The following PLXNB2 variants were observed in gnomAD, a reference collection of about 807,000 sequenced individuals.
The protein encoded by PLXNB2 is plexin-B2.
In PLXNB2, 85 loss-of-function variants were observed where a neutral mutation model predicts 202.6. That is an observed-to-expected ratio of 0.42 (90% CI 0.35 to 0.50). The LOEUF is 0.50. Ranked by LOEUF, PLXNB2 falls within the 20% of genes least tolerant of loss-of-function variation. The pLI is 0.02. For synonymous variants in PLXNB2, 1,239 were observed against 1,137.6 expected (o/e 1.09, Z -1.79); for missense variants, 2,063 against 2,586.2 (o/e 0.80, Z 4.39).
At chr22:50,280,714 G>GC in intron 24 of PLXNB2, 30 bp downstream of exon 24, 3 of 1,528,912 alleles carry the variant, frequency 2.0e-6, no homozygotes, top group Non-Finnish European at 2.7e-6. Flanking sequence ...CCACCTGTGT[G>GC]CCCTCCCGCC....
Position 50,289,180 on chromosome 22 carries a change from T to G in PLXNB2, c.1069-38A>C. 1 of 1,499,912 alleles carries G rather than the reference T, an allele frequency of 6.7e-7. No individual in the cohort carries two copies. The highest frequency in any genetic ancestry group is 8.9e-7 in the Non-Finnish European group (1 of 1,122,526). 92.9% of individuals were successfully genotyped at this position (1,499,912 alleles called of 1,614,324 possible). A position where few individuals can be genotyped will look rare whatever the true frequency, so the allele number is the denominator to read the frequency against. On this transcript the variant is annotated intron_variant, in intron 3 of 36. Coordinates refer to ENST00000359337, the MANE Select transcript of PLXNB2 (RefSeq NM_012401.4). This position sits in a 1 kb window ranked among gnomAD's most constrained non-coding sequence, Gnocchi z 8.0. ...GCGTGTCAATGGCAGGCAGACCCCC[T>G]GTCCTGAAGGGCCCTCTCCACTCGC...
intron 16 of PLXNB2, 58 bp from the exon 17 acceptor site, chr22:50,283,244 G>C: frequency 1.2e-6 from 2 of 1,604,256 alleles, no homozygotes; most frequent in East Asian, 2.2e-5. Flanking sequence ...CCTCGGTCCT[G>C]GGCTGGATGG....
At chr22:50,296,573 A>G (rs2067287342) in intron 1 of PLXNB2, among the ~76,000 whole-genome samples, 1 of 144,608 alleles carries the variant, frequency 6.9e-6, no homozygotes, top group African/African-American at 2.7e-5. Context: ...GCCTGGGGAA[A>G]GAGCAAGACT....
At chr22:50,301,266 C>A in intron 1 of PLXNB2, 6 of 403,100 alleles carry the variant, frequency 1.5e-5, no homozygotes, top group Non-Finnish European at 2.0e-5. Context: ...CCCATCCTGT[C>A]CAACCTGGGC....
chr22:50,305,943 C>T (rs1398885464), intron 1 of PLXNB2, among the ~76,000 whole-genome samples: 3 of 152,158 alleles, frequency 2.0e-5, no homozygotes, highest in Non-Finnish European at 2.9e-5. Context: ...CCAAAGGTGA[C>T]GCATCTTCTC....
chr22:50,276,112 A>G (rs6010225), intron 35 of PLXNB2, 149 bp from the exon 36 acceptor site: 334,402 of 670,434 alleles, frequency 0.5, 85,521 homozygotes, highest in African/African-American at 0.67. Flanking sequence ...CCCATGTGGC[A>G]CAGCCTCAGA....
rs117439977 is a variant in PLXNB2, at chr22:50,288,244, G to A, written c.1381-207C>T. ...CGATGGGAGCCCAGGGAAGCCTGGA[G>A]GTCTTGGCTATGGTGTCTCCCGGGG... On this transcript the variant is annotated intron_variant, in intron 5 of 36. Transcript: ENST00000359337. This position sits in a 1 kb window ranked among gnomAD's most constrained non-coding sequence, Gnocchi z 5.0. Among the ~76,000 whole-genome samples, 8,106 of 152,214 alleles carry A rather than the reference G, an allele frequency of 0.053. 309 individuals are homozygous for A. The highest frequency in any genetic ancestry group is 0.076 in the Non-Finnish European group (5,192 of 67,978).
chr22:50,287,230 C>T lies in PLXNB2; in HGVS notation c.1643G>A (p.Ser548Asn). 6.5e-7 allele frequency: 1 copy of T among 1,549,506 alleles called. No individual in the cohort carries two copies. Among genetic ancestry groups the T allele is most frequent in the South Asian group, 1.2e-5 (1 of 83,642 alleles). ...QLTVSPLPAL[S>N]EEDELLCLFG... ...AAGGCACAGCAACTCGTCCTCCTCG[C>T]TCAGGGCAGGGAGGGGGCTGACGGT... Residue 548 changes from serine to asparagine, a missense_variant, in exon 8 of 37, where the codon AGC (serine) becomes AAC (asparagine). By Grantham distance (46) the Ser-to-Asn change is conservative. Coordinates refer to ENST00000359337, the MANE Select transcript of PLXNB2 (RefSeq NM_012401.4).
At position 50,287,285 on chromosome 22, in the gene PLXNB2, C is replaced by T. The variant is rs1198249934; in HGVS notation, c.1609-21G>A. On this transcript the variant is annotated intron_variant, in intron 7 of 36. Transcript: ENST00000359337. ...TGCACCTGAGGGAGGGGCCGTGCCG[C>T]TCACACTGGGAACCCCGAGTCCTGT... 5 of 1,466,906 alleles carry T rather than the reference C, an allele frequency of 3.4e-6. No individual in the cohort carries two copies. In the South Asian group the frequency reaches 7.0e-5, roughly 20 times the overall value. 90.9% of individuals were successfully genotyped at this position (1,466,906 alleles called of 1,614,324 possible).
At chr22:50,302,211 T>G (rs1440988636) in intron 1 of PLXNB2, among the ~76,000 whole-genome samples, 13 of 152,156 alleles carry the variant, frequency 8.5e-5, no homozygotes. Context: ...GGGCAGGACC[T>G]GGGTCCAGGC....
intron 10 of PLXNB2, 43 bp from the exon 11 acceptor site, chr22:50,285,944 A>G (rs2066423374): frequency 6.2e-7 from 1 of 1,601,984 alleles, no homozygotes. Context: ...GGCACAGCGG[A>G]GCAGCCATGC....
rs760487839 is a variant in PLXNB2 at position 50,286,116 on chromosome 22, C to T, written c.1878-18G>A. 3.7e-6 allele frequency: 6 copies of T among 1,611,656 alleles called. No homozygotes were observed. In the African/African-American group the frequency reaches 4.0e-5, roughly 11 times the overall value. On this transcript the variant is annotated intron_variant, in intron 9 of 36. Coordinates refer to ENST00000359337, the MANE Select transcript of PLXNB2 (RefSeq NM_012401.4). ...AGATGCACCTGCATCCAGAGGGGATCGTGAGCAGGGCTGGGGTGGACGGGC... is the reference window on the plus strand; with the variant it reads ...AGATGCACCTGCATCCAGAGGGGATTGTGAGCAGGGCTGGGGTGGACGGGC...
chr22:50,289,662 C>T lies in PLXNB2; in HGVS notation c.923G>A (p.Gly308Asp). 2 of 1,609,754 alleles carry T rather than the reference C, an allele frequency of 1.2e-6. No individual in the cohort carries two copies. Among genetic ancestry groups the T allele is most frequent in the East Asian group, 2.2e-5 (1 of 44,880 alleles). Reference sequence around the variant, plus strand: ...CAGCGGGAACAGGCAGAGGCCCGCACCGGGCCCCCCACTGCTCCGGCTGTC... The same window carrying T: ...CAGCGGGAACAGGCAGAGGCCCGCATCGGGCCCCCCACTGCTCCGGCTGTC... ...SRDSRSSGGP[G>D]AGLCLFPLDK... The change falls in exon 3 of 37, where the codon GGT becomes GAT. Residue 308 changes from glycine to aspartate, a missense_variant. This residue lies in a region of PLXNB2 where 1,303 missense variants were observed against 1,476.8 expected (regional missense o/e 0.88). Transcript: ENST00000359337. This position sits in a 1 kb window ranked among gnomAD's most constrained non-coding sequence, Gnocchi z 8.0.
chr22:50,279,545 T>C (rs1270132039), intron 27 of PLXNB2, 85 bp downstream of exon 27: 4 of 1,337,918 alleles, frequency 3.0e-6, no homozygotes, highest in East Asian at 4.6e-5. Context: ...CTCTGGCCTG[T>C]GGGTCCCATC....
At chr22:50,278,727 C>T (rs1413997135) in intron 28 of PLXNB2, 31 bp from the exon 29 acceptor site, 1 of 1,594,524 alleles carries the variant, frequency 6.3e-7, no homozygotes, top group East Asian at 2.3e-5. Context: ...GCTTGGGCCC[C>T]AGCCACCCAG....
At chr22:50,285,422 C>T (rs1208277578) in intron 11 of PLXNB2, among the ~76,000 whole-genome samples, 1 of 84,888 alleles carries the variant, frequency 1.2e-5, no homozygotes. Context: ...GGCACCCCCT[C>T]CCTCCGCACC....
chr22:50,275,263 C>A lies in PLXNB2; in HGVS notation c.*441G>T, dbSNP rs1470605681. 1 of 388,920 alleles carries A rather than the reference C, an allele frequency of 2.6e-6. No individual in the cohort carries two copies. The highest frequency in any genetic ancestry group is 7.5e-5 in the East Asian group (1 of 13,382). 24.1% of individuals were successfully genotyped at this position (388,920 alleles called of 1,614,324 possible). A position where few individuals can be genotyped will look rare whatever the true frequency, so the allele number is the denominator to read the frequency against. On this transcript the variant is annotated 3_prime_UTR_variant, in exon 37 of 37. Transcript: ENST00000359337. ...GCATCGTACCGCTTTTTCTCCTCCT[C>A]CCATCTCGTGGTGGACAGACAGACA... is the stretch of plus-strand genomic sequence containing the variant.
chr22:50,275,247 C>A lies in PLXNB2; in HGVS notation c.*457G>T. 3 of 374,072 alleles carry A rather than the reference C, an allele frequency of 8.0e-6. No individual in the cohort carries two copies. Among genetic ancestry groups the A allele is most frequent in the South Asian group, 5.6e-5 (3 of 53,320 alleles). 23.2% of individuals were successfully genotyped at this position (374,072 alleles called of 1,614,324 possible). ...CGGTGAGGTCAGGAAGGCATCGTAC[C>A]GCTTTTTCTCCTCCTCCCATCTCGT... On this transcript the variant is annotated 3_prime_UTR_variant, in exon 37 of 37. Coordinates refer to ENST00000359337, the MANE Select transcript of PLXNB2 (RefSeq NM_012401.4).
chr22:50,284,384 A>G lies in PLXNB2; in HGVS notation c.2182-171T>C. ...AACCCCATGGACGCTGCTCTGTGCC[A>G]CTCTGTCCCCAGGGAGGCAGAGGGC... On this transcript the variant is annotated intron_variant, in intron 12 of 36. Transcript: ENST00000359337. This position sits in a 1 kb window ranked among gnomAD's most constrained non-coding sequence, Gnocchi z 8.0. The G allele has an allele frequency of 1.4e-6, 1 of 733,094 alleles. No individual in the cohort carries two copies. The highest frequency in any genetic ancestry group is 2.3e-6 in the Non-Finnish European group (1 of 432,032). The allele number at this position is 733,094 out of a possible 1,614,324, so 45.4% of individuals were successfully genotyped here. A position where few individuals can be genotyped will look rare whatever the true frequency, so the allele number is the denominator to read the frequency against.
Sources: gnomAD v4.1 joint callset for allele counts (sites outside exome capture counted in the v4.1 genomes callset) on GRCh38, gnomAD v4.1.1 for gene constraint, gnomAD v4.1.1 regional missense constraint, Gnocchi (gnomAD v3.1) non-coding constraint, MANE v1.5 for transcripts, NCBI Gene and HGNC (gene_info 2026-07-23, HGNC 2026-07-21) for gene names.